The following NUP214 variants were observed in gnomAD, a reference collection of about 807,000 sequenced individuals.
NUP214 encodes the protein nuclear pore complex protein Nup214.
A neutral mutation model predicts 196.2 loss-of-function variants in NUP214; 79 were observed. That is an observed-to-expected ratio of 0.40 (90% CI 0.34 to 0.49). The LOEUF (loss-of-function observed/expected upper bound fraction) is 0.49, where lower values mean the gene tolerates loss of function less well. NUP214 is among the 20% of genes least tolerant of loss of function. NUP214 has a pLI of 0.58. For synonymous variants in NUP214, 1,020 were observed against 990.5 expected (o/e 1.03, Z -0.56); for missense variants, 2,468 against 2,539.0 (o/e 0.97, Z 0.60).
chr9:131,201,584 C>G, intron 29 of NUP214, 63 bp from the exon 30 acceptor site: 3 of 1,248,896 alleles, frequency 2.4e-6, no homozygotes, highest in African/African-American at 1.5e-5. Flanking sequence ...AACAACAAAA[C>G]TTTAATGTTG....
chr9:131,213,812 A>AG (rs1015100390), intron 30 of NUP214, among the ~76,000 whole-genome samples: 1 of 150,328 alleles, frequency 6.7e-6, no homozygotes, highest in Non-Finnish European at 1.5e-5. Flanking sequence ...GGGGAAAAAA[A>AG]AGAGACTAGG....
In NUP214 at chr9:131,174,207, G is replaced by GC; in HGVS notation, c.3051dup (p.Val1018ArgfsTer20). On this transcript the variant is annotated frameshift_variant, in exon 22 of 36. Transcript: ENST00000359428. LOFTEE classifies it high-confidence loss of function. Reference sequence around the variant, plus strand: ...GGCAGTGGTTCAGGCCCCTCGGCACGCCCCCGTGGTTCGCACTCCTTCCAT... The same window carrying GC: ...GGCAGTGGTTCAGGCCCCTCGGCACGCCCCCCGTGGTTCGCACTCCTTCCAT... 6.2e-7 allele frequency: 1 copy of GC among 1,613,744 alleles called. No homozygotes were observed.
intron 32 of NUP214, 83 bp downstream of exon 32, chr9:131,223,013 G>C (rs1180385716): frequency 1.9e-5 from 27 of 1,396,424 alleles, no homozygotes; most frequent in Non-Finnish European, 2.5e-5. Context: ...CATCTCTAGG[G>C]TGGTTATCTT....
At chr9:131,132,107 TTTC>T (rs1831565293) in intron 5 of NUP214, among the ~76,000 whole-genome samples, 1 of 98,788 alleles carries the variant, frequency 1.0e-5, no homozygotes, top group Non-Finnish European at 2.0e-5. Context: ...ATGCGTTTCT[TTTC>T]TTTTCTTTCT....
chr9:131,206,864 A>ACTTCCC (rs1834102067), intron 30 of NUP214, among the ~76,000 whole-genome samples: 1 of 152,236 alleles, frequency 6.6e-6, no homozygotes, highest in Non-Finnish European at 1.5e-5. Context: ...CCATATTGTT[A>ACTTCCC]CTTCCCCTTC....
At chr9:131,180,521 C>CT (rs1420858386) in intron 24 of NUP214, among the ~76,000 whole-genome samples, 1 of 152,092 alleles carries the variant, frequency 6.6e-6, no homozygotes, top group African/African-American at 2.4e-5. Flanking sequence ...TTGCAGTTAG[C>CT]TTTTTCTCAG....
chr9:131,174,014 T>C, intron 21 of NUP214, 41 bp from the exon 22 acceptor site: 1 of 1,601,516 alleles, frequency 6.2e-7, no homozygotes, highest in Non-Finnish European at 8.5e-7. Flanking sequence ...TTGGGCTTGC[T>C]TTGAGTTGTC....
At chr9:131,160,842 A>G (rs1013897082) in intron 18 of NUP214, among the ~76,000 whole-genome samples, 7 of 152,202 alleles carry the variant, frequency 4.6e-5, no homozygotes, top group African/African-American at 1.7e-4. Context: ...CTCCTCCGCC[A>G]CTATCTAAGG....
chr9:131,223,723 A>ATTTATT (rs1834634753), intron 32 of NUP214, among the ~76,000 whole-genome samples: 4 of 18,980 alleles, frequency 2.1e-4, no homozygotes, highest in Non-Finnish European at 4.9e-4. Context: ...TTATTTATTT[A>ATTTATT]TTTATTTTTT....
intron 34 of NUP214, among the ~76,000 whole-genome samples, chr9:131,231,163 T>C (rs1351607723): frequency 1.3e-5 from 2 of 152,184 alleles, no homozygotes; most frequent in East Asian, 1.9e-4. Flanking sequence ...TAAATAAATA[T>C]GTAACATACT....
intron 27 of NUP214, among the ~76,000 whole-genome samples, chr9:131,193,629 C>CTTTGTTTTTTTTTTT (rs1833678246): frequency 3.5e-5 from 1 of 28,218 alleles, no homozygotes. Context: ...TCTTCCTTTT[C>CTTTGTTTTTTTTTTT]TTTTTTTTTT....
intron 24 of NUP214, among the ~76,000 whole-genome samples, chr9:131,181,950 A>G (rs1307458695): frequency 6.6e-6 from 1 of 152,218 alleles, no homozygotes. Context: ...TAGCTCTTAT[A>G]TCTAGGTCTC....
At chr9:131,186,448 A>G (rs1833452007) in intron 24 of NUP214, among the ~76,000 whole-genome samples, 1 of 152,158 alleles carries the variant, frequency 6.6e-6, no homozygotes, top group Admixed American at 6.5e-5. Context: ...TTCTAAGTTC[A>G]TTTTTGATGG....
At chr9:131,205,530 G>A (rs1010957792) in intron 30 of NUP214, among the ~76,000 whole-genome samples, 2 of 152,176 alleles carry the variant, frequency 1.3e-5, no homozygotes, top group Admixed American at 1.3e-4. Context: ...AAAAGATATT[G>A]ATAAGAATGT....
At chr9:131,174,805 A>G (rs1025389474) in intron 22 of NUP214, among the ~76,000 whole-genome samples, 1 of 152,150 alleles carries the variant, frequency 6.6e-6, no homozygotes, top group Admixed American at 6.6e-5. Context: ...GATTGAAAAG[A>G]TGTGTGTTCC....
At chr9:131,178,930 C>T (rs1833190538) in intron 24 of NUP214, among the ~76,000 whole-genome samples, 1 of 152,030 alleles carries the variant, frequency 6.6e-6, no homozygotes, top group Admixed American at 6.6e-5. Flanking sequence ...TGGATTGTTG[C>T]TGGTGGAGCT....
In NUP214 at chr9:131,163,397, A is replaced by G. The variant is rs1447115312; in HGVS notation, c.2723+224A>G. The stretch of plus-strand genomic sequence containing the variant: ...GTTGGAGAGTTAAATTAAGTCTGTA[A>G]AATATTACACTGATGAAATGGGTGC... On this transcript the variant is annotated intron_variant, in intron 19 of 35. Coordinates refer to ENST00000359428, the MANE Select transcript of NUP214 (RefSeq NM_005085.4). The G allele has an allele frequency of 9.6e-6, 5 of 521,994 alleles. No individual in the cohort carries two copies. In the East Asian group the frequency reaches 1.6e-4, roughly 17 times the overall value. 32.3% of individuals were successfully genotyped at this position (521,994 alleles called of 1,614,324 possible). A position where few individuals can be genotyped will look rare whatever the true frequency, so the allele number is the denominator to read the frequency against.
chr9:131,229,901 G>C (rs909195100), intron 33 of NUP214: 155 of 395,538 alleles, frequency 3.9e-4, no homozygotes, highest in Non-Finnish European at 1.1e-4. Flanking sequence ...CCCAGGTGCT[G>C]CCCCTTCTCC....
chr9:131,147,135 T>C (rs1261132849), intron 13 of NUP214, among the ~76,000 whole-genome samples: 3 of 151,682 alleles, frequency 2.0e-5, no homozygotes, highest in African/African-American at 7.3e-5. Context: ...TACAGGCATG[T>C]ACCACCACCG....
Sources: allele counts gnomAD v4.1 joint callset (sites outside exome capture counted in the v4.1 genomes callset), GRCh38; gene constraint gnomAD v4.1.1; transcripts MANE v1.5; gene names NCBI Gene and HGNC (gene_info 2026-07-23, HGNC 2026-07-21).